Variants in ARK2C observed in about 807,000 individuals in gnomAD.
ARK2C encodes arkadia (RNF111) C-terminal like ring finger ubiquitin ligase 2C, also known as E3 ubiquitin-protein ligase ARK2C.
chr18:46,416,018 C>T, the ARK2C span, among the ~76,000 whole-genome samples: 2 of 152,140 alleles, frequency 1.3e-5, no homozygotes, highest in Non-Finnish European at 2.9e-5. Flanking sequence ...TTGTCCTCAG[C>T]CTTCCTGACT....
the ARK2C span, among the ~76,000 whole-genome samples, chr18:46,398,479 G>T: frequency 6.6e-6 from 1 of 152,034 alleles, no homozygotes; most frequent in Admixed American, 6.5e-5. Flanking sequence ...GTGGGCACAG[G>T]AAGCTGACAC....
the ARK2C span, among the ~76,000 whole-genome samples, chr18:46,394,912 C>T: frequency 2.0e-5 from 3 of 152,208 alleles, no homozygotes; most frequent in Non-Finnish European, 4.4e-5. Context: ...AAACCTGGAA[C>T]ATTTGACTAA....
the ARK2C span, among the ~76,000 whole-genome samples, chr18:46,361,077 C>T: frequency 6.6e-6 from 1 of 152,216 alleles, no homozygotes; most frequent in Non-Finnish European, 1.5e-5. Context: ...CCCAAGATCA[C>T]GCTGCTAACT....
At chr18:46,334,119 C>A in the ARK2C span, 1 of 198,964 alleles carries the variant, frequency 5.0e-6, no homozygotes, top group Non-Finnish European at 8.9e-6. This position sits in a 1 kb window ranked among gnomAD's most constrained non-coding sequence, Gnocchi z 4.4. Context: ...ATCTGTCTCC[C>A]CGCCAGCCGC....
the ARK2C span, among the ~76,000 whole-genome samples, chr18:46,355,988 G>A: frequency 1.3e-5 from 2 of 152,174 alleles, no homozygotes; most frequent in African/African-American, 4.8e-5. Flanking sequence ...GCTGGGCCAA[G>A]CCACCCGTCT....
chr18:46,353,566 C>T, the ARK2C span, among the ~76,000 whole-genome samples: 2 of 152,152 alleles, frequency 1.3e-5, no homozygotes, highest in Admixed American at 6.5e-5. Flanking sequence ...AGGGATGTTA[C>T]CTAAAAACCC....
At chr18:46,388,504 G>A in the ARK2C span, among the ~76,000 whole-genome samples, 1 of 152,160 alleles carries the variant, frequency 6.6e-6, no homozygotes, top group Non-Finnish European at 1.5e-5. Flanking sequence ...CGGGCAGCAA[G>A]ACACACACAA....
chr18:46,387,401 G>T, the ARK2C span, among the ~76,000 whole-genome samples: 1 of 152,192 alleles, frequency 6.6e-6, no homozygotes, highest in Admixed American at 6.5e-5. Context: ...GACAGTGCAG[G>T]CCTTTGGGAG....
At chr18:46,378,173 A>T in the ARK2C span, among the ~76,000 whole-genome samples, 1 of 152,210 alleles carries the variant, frequency 6.6e-6, no homozygotes, top group Non-Finnish European at 1.5e-5. Flanking sequence ...GCACCAAACC[A>T]TTTATCAATT....
chr18:46,341,815 A>G, the ARK2C span, among the ~76,000 whole-genome samples: 2 of 152,216 alleles, frequency 1.3e-5, no homozygotes, highest in African/African-American at 4.8e-5. Context: ...ACCAATCAGT[A>G]TCCCGAAATC....
chr18:46,400,650 T>A, the ARK2C span, among the ~76,000 whole-genome samples: 3 of 152,232 alleles, frequency 2.0e-5, no homozygotes, highest in East Asian at 5.8e-4. Context: ...GTTCAGGAAG[T>A]TCCCGGGTGT....
chr18:46,447,459 G>C, the ARK2C span: 4 of 1,249,936 alleles, frequency 3.2e-6, no homozygotes, highest in South Asian at 5.2e-5. Flanking sequence ...AGCTCTGGCA[G>C]GGTGTCACTC....
At chr18:46,430,999 C>A in the ARK2C span, among the ~76,000 whole-genome samples, 3 of 152,122 alleles carry the variant, frequency 2.0e-5, no homozygotes, top group Admixed American at 2.0e-4. Flanking sequence ...ACCCATCAAT[C>A]CATCATCTAC....
At chr18:46,374,307 T>G in the ARK2C span, among the ~76,000 whole-genome samples, 1 of 152,362 alleles carries the variant, frequency 6.6e-6, no homozygotes, top group South Asian at 2.1e-4. Flanking sequence ...TGCCACAGTT[T>G]AGTGATATTA....
chr18:46,409,865 C>T, the ARK2C span, among the ~76,000 whole-genome samples: 1 of 152,164 alleles, frequency 6.6e-6, no homozygotes, highest in Non-Finnish European at 1.5e-5. Flanking sequence ...ATGGACATTT[C>T]GTTGTTTCCA....
chr18:46,336,335 T>C, the ARK2C span: 18 of 985,266 alleles, frequency 1.8e-5, no homozygotes, highest in Non-Finnish European at 2.2e-5. Flanking sequence ...ATTGCTCAGC[T>C]GCCTTTAAAT....
At chr18:46,374,272 A>G in the ARK2C span, among the ~76,000 whole-genome samples, 1 of 152,046 alleles carries the variant, frequency 6.6e-6, no homozygotes, top group East Asian at 1.9e-4. Context: ...TACATATTGT[A>G]TGATTTGCCA....
chr18:46,378,984 C>G, the ARK2C span, among the ~76,000 whole-genome samples: 1 of 152,286 alleles, frequency 6.6e-6, no homozygotes, highest in Admixed American at 6.5e-5. Context: ...TCACTGTCCC[C>G]AGGGCTCACC....
At chr18:46,336,580 T>C in the ARK2C span, 3 of 985,490 alleles carry the variant, frequency 3.0e-6, no homozygotes, top group Non-Finnish European at 3.6e-6. Flanking sequence ...CACAATCTTC[T>C]TGTAAAACTA....
Sources: allele counts gnomAD v4.1 joint callset (sites outside exome capture counted in the v4.1 genomes callset), GRCh38; gene constraint gnomAD v4.1.1; non-coding constraint Gnocchi (gnomAD v3.1); transcripts MANE v1.5; gene names NCBI Gene and HGNC (gene_info 2026-07-23, HGNC 2026-07-21).